Variants in CDK5RAP2 observed in about 807,000 individuals in gnomAD.
CDK5RAP2 encodes CDK5 regulatory subunit-associated protein 2.
In CDK5RAP2, 147 loss-of-function variants were observed where a neutral mutation model predicts 232.9. The ratio of observed to expected loss-of-function variants is 0.63; its 90% CI spans 0.55 to 0.72. The LOEUF is 0.72. Ranked by LOEUF, CDK5RAP2 falls within the 30% of genes least tolerant of loss-of-function variation. CDK5RAP2 has a pLI of 0.00. For synonymous variants in CDK5RAP2, 833 were observed against 833.7 expected, an observed-to-expected ratio of 1.00 and a Z score of 0.01; for missense variants, 2,195 against 2,231.5, an observed-to-expected ratio of 0.98 and a Z score of 0.33.
chr9:120,493,015 G>C (rs1233501549), intron 12 of CDK5RAP2, among the ~76,000 whole-genome samples: 1 of 152,178 alleles, frequency 6.6e-6, no homozygotes, highest in Non-Finnish European at 1.5e-5. Flanking sequence ...AAAAAGATCA[G>C]GGTTCTTCAA....
At chr9:120,415,214 A>C (rs1564188848) in intron 27 of CDK5RAP2, 55 bp from the exon 28 acceptor site, 6 of 1,594,600 alleles carry the variant, frequency 3.8e-6, no homozygotes, top group Non-Finnish European at 4.3e-6. Context: ...CAAATTGAAT[A>C]ATTTATGGAT....
chr9:120,413,313 C>G (rs1017837932), intron 28 of CDK5RAP2, among the ~76,000 whole-genome samples: 1 of 152,206 alleles, frequency 6.6e-6, no homozygotes, highest in Non-Finnish European at 1.5e-5. Flanking sequence ...CAAGTAGTGA[C>G]AAGCTGGAAG....
At position 120,394,584 on chromosome 9, in the gene CDK5RAP2, C is replaced by G. The variant is rs776715198; in HGVS notation, c.5506G>C (p.Glu1836Gln). The G allele has an allele frequency of 6.2e-7, 1 of 1,614,150 alleles. No homozygotes were observed. The highest frequency in any genetic ancestry group is 8.5e-7 in the Non-Finnish European group (1 of 1,180,020). ...TTCATGGTGTTTTGCAACTTCTTTT[C>G]TTGTTCAAACAATTTTTTATGTAGT... ...TKLHKKLFEQEKKLQNTMKLL... is the reference protein window; with the variant it reads ...TKLHKKLFEQQKKLQNTMKLL... The change falls in exon 36 of 38, where the codon GAA becomes CAA. Residue 1836 changes from glutamate (E) to glutamine (Q), a missense_variant. Coordinates refer to ENST00000349780, the MANE Select transcript of CDK5RAP2 (RefSeq NM_018249.6).
In CDK5RAP2 at chr9:120,392,877, G is replaced by A. The variant is rs574674052; in HGVS notation, c.5578+1635C>T. Among the ~76,000 whole-genome samples, 56 of 152,266 alleles carry A rather than the reference G, an allele frequency of 3.7e-4. No individual in the cohort carries two copies. The South Asian group carries it at 1.0e-2, about 27-fold the overall frequency. Reference sequence around the variant, plus strand: ...CTGCAGCCCCCAAAGAGGTCTTCCCGGCCTCCTGGCCCCTCCAAGCTCAGC... The same window carrying A: ...CTGCAGCCCCCAAAGAGGTCTTCCCAGCCTCCTGGCCCCTCCAAGCTCAGC... On this transcript the variant is annotated intron_variant, in intron 36 of 37. Transcript: ENST00000349780.
At chr9:120,555,021 T>C (rs2042173554) in intron 3 of CDK5RAP2, among the ~76,000 whole-genome samples, 1 of 150,458 alleles carries the variant, frequency 6.6e-6, no homozygotes, top group Non-Finnish European at 1.5e-5. Context: ...AATCTTGAAA[T>C]GAATGGAAAG....
At chr9:120,402,239 A>G (rs2033090039) in intron 34 of CDK5RAP2, among the ~76,000 whole-genome samples, 1 of 152,144 alleles carries the variant, frequency 6.6e-6, no homozygotes, top group Non-Finnish European at 1.5e-5. Context: ...TCGAAGCTAC[A>G]GTGAGCCATG....
chr9:120,576,789 G>A (rs1430560102), intron 1 of CDK5RAP2, among the ~76,000 whole-genome samples: 1 of 152,016 alleles, frequency 6.6e-6, no homozygotes, highest in Non-Finnish European at 1.5e-5. Flanking sequence ...AAAAATATCA[G>A]TGAAGGGCAG....
At chr9:120,393,807 T>C (rs1031782021) in intron 36 of CDK5RAP2, among the ~76,000 whole-genome samples, 1 of 152,192 alleles carries the variant, frequency 6.6e-6, no homozygotes, top group Non-Finnish European at 1.5e-5. Context: ...CCTTGAGAAG[T>C]ATTTCTCAAA....
intron 1 of CDK5RAP2, 141 bp downstream of exon 1, chr9:120,579,779 G>C: frequency 1.5e-6 from 1 of 674,110 alleles, no homozygotes. Flanking sequence ...GCCCCCCAGA[G>C]ACCCTCTCCG....
chr9:120,452,221 C>G (rs2036515675), intron 21 of CDK5RAP2, among the ~76,000 whole-genome samples: 3 of 148,984 alleles, frequency 2.0e-5, no homozygotes, highest in African/African-American at 5.1e-5. Context: ...ATTTCTAGTA[C>G]CGTTAATATA....
intron 28 of CDK5RAP2, among the ~76,000 whole-genome samples, chr9:120,412,567 T>C (rs1203441941): frequency 6.6e-6 from 1 of 152,244 alleles, no homozygotes; most frequent in Non-Finnish European, 1.5e-5. Context: ...CTTGTACTAC[T>C]GCAGTCATCA....
intron 25 of CDK5RAP2, among the ~76,000 whole-genome samples, chr9:120,425,579 C>G (rs1192653021): frequency 1.3e-5 from 2 of 152,222 alleles, no homozygotes; most frequent in South Asian, 2.1e-4. Flanking sequence ...GACAAACTTA[C>G]AACTGGTTGA....
intron 15 of CDK5RAP2, among the ~76,000 whole-genome samples, chr9:120,473,632 T>A (rs1442516346): frequency 3.9e-5 from 6 of 152,240 alleles, no homozygotes; most frequent in Non-Finnish European, 7.3e-5. Flanking sequence ...GAAAGGGCCC[T>A]ACTAGCAACT....
intron 16 of CDK5RAP2, among the ~76,000 whole-genome samples, chr9:120,471,073 C>T (rs2037676826): frequency 6.6e-6 from 1 of 152,106 alleles, no homozygotes; most frequent in Non-Finnish European, 1.5e-5. Context: ...AAGTTAGGTG[C>T]CTAGCACTGT....
intron 11 of CDK5RAP2, among the ~76,000 whole-genome samples, chr9:120,520,771 CAGATATCTCATGAG>C: frequency 8.3e-6 from 1 of 119,970 alleles, no homozygotes; most frequent in African/African-American, 3.3e-5. Context: ...AGATATATCT[CAGATATCTCATGAG>C]ATATATCTCA....
intron 36 of CDK5RAP2, among the ~76,000 whole-genome samples, chr9:120,390,586 C>G (rs1172514105): frequency 6.6e-6 from 1 of 152,192 alleles, no homozygotes; most frequent in East Asian, 1.9e-4. Flanking sequence ...TTTTTCTTGT[C>G]CAACACAAAC....
intron 13 of CDK5RAP2, among the ~76,000 whole-genome samples, chr9:120,491,014 A>C (rs1377948336): frequency 6.6e-6 from 1 of 152,222 alleles, no homozygotes; most frequent in Non-Finnish European, 1.5e-5. Context: ...TTGCAGTAGA[A>C]GAACCTCAGT....
intron 12 of CDK5RAP2, among the ~76,000 whole-genome samples, chr9:120,502,086 T>C (rs955703709): frequency 6.6e-6 from 1 of 152,182 alleles, no homozygotes; most frequent in Admixed American, 6.5e-5. Context: ...CTCCACACCA[T>C]GGTTTAGATC....
intron 20 of CDK5RAP2, among the ~76,000 whole-genome samples, chr9:120,455,314 AG>A (rs2036699902): frequency 6.7e-6 from 1 of 149,138 alleles, no homozygotes. Context: ...GTAGCCAAGA[AG>A]GGGTGAGGCT....
Sources: gnomAD v4.1 joint callset for allele counts (sites outside exome capture counted in the v4.1 genomes callset) on GRCh38, gnomAD v4.1.1 for gene constraint, MANE v1.5 for transcripts, NCBI Gene and HGNC (gene_info 2026-07-23, HGNC 2026-07-21) for gene names.